Variants in CENPE observed in about 807,000 individuals in gnomAD.
The protein encoded by CENPE is centromere-associated protein E.
A neutral mutation model predicts 336.1 loss-of-function variants in CENPE; 145 were observed. The observed-to-expected ratio is 0.43, with a 90% CI of 0.38 to 0.50. The LOEUF is 0.50. CENPE is among the 20% of genes least tolerant of loss of function. The pLI is 0.00. For missense variants in CENPE, 2,719 were observed against 3,023.3 expected, an observed-to-expected ratio of 0.90 and a Z score of 2.36; for synonymous variants, 1,013 against 984.8, an observed-to-expected ratio of 1.03 and a Z score of -0.54.
At chr4:103,156,680 C>A (rs1753982168) in intron 24 of CENPE, among the ~76,000 whole-genome samples, 1 of 152,030 alleles carries the variant, frequency 6.6e-6, no homozygotes, top group Non-Finnish European at 1.5e-5. Context: ...GCAATGATTT[C>A]TTGGATATGA....
intron 11 of CENPE, chr4:103,181,801 G>T: frequency 5.9e-6 from 1 of 169,422 alleles, no homozygotes; most frequent in Non-Finnish European, 1.3e-5. Flanking sequence ...CTCTATACTA[G>T]TTATTAACCA....
In CENPE at chr4:103,161,051, A is replaced by T. The variant is rs150010956; in HGVS notation, c.2131+35T>A. The T allele has an allele frequency of 1.2e-5, 18 of 1,503,994 alleles. No homozygotes were observed. The East Asian group carries it at 4.1e-4, about 34-fold the overall frequency. The allele number at this position is 1,503,994 out of a possible 1,614,324, so 93.2% of individuals were successfully genotyped here. A position where few individuals can be genotyped will look rare whatever the true frequency, so the allele number is the denominator to read the frequency against. ...TTTAGGTACATTTCTAGAAGAAGTC[A>T]GATTTGAAAAAAGATGTTTAAAATT... On this transcript the variant is annotated intron_variant, in intron 20 of 48. Transcript: ENST00000265148.
In CENPE at chr4:103,147,610, T is replaced by C; in HGVS notation, c.3880A>G (p.Asn1294Asp). The C allele has an allele frequency of 6.2e-7, 1 of 1,613,312 alleles. No individual in the cohort carries two copies. The highest frequency in any genetic ancestry group is 1.1e-5 in the South Asian group (1 of 91,058). The change falls in exon 29 of 49, where the codon AAT (asparagine) becomes GAT (aspartate). Residue 1294 changes from asparagine (N) to aspartate (D), a missense_variant. Physicochemically the swap from Asn to Asp is conservative, Grantham distance 23. Coordinates refer to ENST00000265148, the MANE Select transcript of CENPE (RefSeq NM_001813.3). ...TGAGTCTCACTGACTTCTTTCACAT[T>C]AGGCAGTAACTCTTGTTCCTCATGA... ...VLHEEQELLP[N>D]VKEVSETQET...
In CENPE at chr4:103,194,652, T is replaced by C; in HGVS notation, c.510A>G (p.Glu170=). ...AAGCCATTTCTGATGTATATACAAC[T>C]TCTTCTGTGAGATCAGCAACATACA... ...RNVYVADLTE[E]VVYTSEMALK... Residue 170 remains glutamate (E), a synonymous_variant, in exon 6 of 49, where the codon GAA becomes GAG. Coordinates refer to ENST00000265148, the MANE Select transcript of CENPE (RefSeq NM_001813.3). 1 of 1,609,114 alleles carries C rather than the reference T, an allele frequency of 6.2e-7. No individual in the cohort carries two copies. Among genetic ancestry groups the C allele is most frequent in the Non-Finnish European group, 8.5e-7 (1 of 1,178,126 alleles).
intron 26 of CENPE, among the ~76,000 whole-genome samples, chr4:103,150,939 T>G (rs1753490741): frequency 6.6e-6 from 1 of 152,224 alleles, no homozygotes; most frequent in Non-Finnish European, 1.5e-5. Context: ...GCGTGGCCCA[T>G]GACAGTGCTC....
chr4:103,168,832 A>T (rs1243233180), intron 16 of CENPE, among the ~76,000 whole-genome samples: 2 of 152,208 alleles, frequency 1.3e-5, no homozygotes, highest in Non-Finnish European at 2.9e-5. Flanking sequence ...GTCATACTAT[A>T]GATCTTGAAA....
chr4:103,185,092 G>A (rs1756651533), intron 9 of CENPE, among the ~76,000 whole-genome samples: 2 of 152,016 alleles, frequency 1.3e-5, no homozygotes, highest in African/African-American at 4.8e-5. Flanking sequence ...GTCACTTGAG[G>A]CCAAGAGTTG....
chr4:103,123,180 C>T (rs1466372419), intron 42 of CENPE, 91 bp from the exon 43 acceptor site: 1 of 937,840 alleles, frequency 1.1e-6, no homozygotes, highest in Non-Finnish European at 1.7e-6. Flanking sequence ...TTTCAGTTAC[C>T]CTCAGTCAAA....
chr4:103,195,269 G>A, intron 4 of CENPE, 36 bp from the exon 5 acceptor site: 1 of 1,544,210 alleles, frequency 6.5e-7, no homozygotes, highest in Non-Finnish European at 8.7e-7. Flanking sequence ...ACACCAGGAA[G>A]CATCCAATTG....
At chr4:103,182,180 C>T (rs1291488988) in intron 11 of CENPE, among the ~76,000 whole-genome samples, 1 of 152,046 alleles carries the variant, frequency 6.6e-6, no homozygotes, top group Non-Finnish European at 1.5e-5. Context: ...CAACCTCTGC[C>T]TCCTGGGTTC....
At chr4:103,181,567 T>G (rs1485558699) in intron 11 of CENPE, 111 bp from the exon 12 acceptor site, 2 of 865,920 alleles carry the variant, frequency 2.3e-6, no homozygotes, top group Non-Finnish European at 3.4e-6. Flanking sequence ...ATACTCTTTC[T>G]AGTTGGCTTA....
Position 103,136,259 on chromosome 4 carries a change from G to A in CENPE, c.6404C>T (p.Ser2135Leu). The change falls in exon 40 of 49, where the codon TCA becomes TTA. Residue 2135 changes from serine (S) to leucine (L), a missense_variant. This residue lies in a region of CENPE where 2,437 missense variants were observed against 2,513.3 expected (regional missense o/e 0.97). Coordinates refer to ENST00000265148, the MANE Select transcript of CENPE (RefSeq NM_001813.3). The part of the protein sequence containing the change: ...EKEIEFQKEL[S>L]MRVKANLSLP... ...TGAGAGGTTTGCTTTAACTCTCATT[G>A]AAAGCTCTTTTTGGAATTCAATTTC... The A allele has an allele frequency of 6.2e-7, 1 of 1,613,608 alleles. No individual in the cohort carries two copies. Among genetic ancestry groups the A allele is most frequent in the Admixed American group, 1.7e-5 (1 of 60,012 alleles).
chr4:103,183,029 T>TA (rs1553937249), intron 10 of CENPE, 138 bp from the exon 11 acceptor site: 8 of 894,850 alleles, frequency 8.9e-6, no homozygotes, highest in South Asian at 3.8e-5. Flanking sequence ...AGATTAAAAC[T>TA]ACTAAAAAAT....
chr4:103,196,609 A>G (rs543370283), intron 2 of CENPE, 150 bp downstream of exon 2: 2 of 606,126 alleles, frequency 3.3e-6, no homozygotes, highest in South Asian at 4.3e-5. Flanking sequence ...ACTTAAATAC[A>G]TGATGGATAA....
At position 103,139,890 on chromosome 4, in the gene CENPE, T is replaced by G; in HGVS notation, c.6103A>C (p.Arg2035=). 1.2e-6 allele frequency: 2 copies of G among 1,613,372 alleles called. No individual in the cohort carries two copies. The change falls in exon 38 of 49, where the codon AGA becomes CGA. Residue 2035 remains arginine, a synonymous_variant. Transcript: ENST00000265148. ...KKLHESLEEI[R]IVAKERDELR... ...TCATCTCTTTCTTTAGCTACAATTC[T>G]TATTTCTTCAAGGCTTTCATGAAGT...
chr4:103,112,438 T>C (rs1749545626), intron 46 of CENPE, among the ~76,000 whole-genome samples: 1 of 145,770 alleles, frequency 6.9e-6, no homozygotes, highest in South Asian at 2.1e-4. Context: ...TACTTATACA[T>C]ACATATACTT....
intron 24 of CENPE, among the ~76,000 whole-genome samples, chr4:103,156,487 T>G (rs1753966252): frequency 1.3e-5 from 2 of 152,122 alleles, no homozygotes; most frequent in Admixed American, 1.3e-4. Flanking sequence ...GGGGACAGGA[T>G]GATCTTTTCA....
chr4:103,165,293 A>C (rs970334837), intron 16 of CENPE, among the ~76,000 whole-genome samples: 3 of 152,198 alleles, frequency 2.0e-5, no homozygotes, highest in African/African-American at 7.2e-5. Context: ...AGTAAAAATT[A>C]TAAAATTAAA....
At position 103,120,284 on chromosome 4, in the gene CENPE, A is replaced by G; in HGVS notation, c.7193T>C (p.Met2398Thr). The G allele has an allele frequency of 6.8e-6, 11 of 1,611,274 alleles. No individual in the cohort carries two copies. Among genetic ancestry groups the G allele is most frequent in the Non-Finnish European group, 9.3e-6 (11 of 1,179,338 alleles). The change falls in exon 44 of 49, where the codon ATG (methionine) becomes ACG (threonine). Residue 2398 changes from methionine to threonine, a missense_variant. Physicochemically the swap from Met to Thr is moderately conservative, Grantham distance 81 (BLOSUM62 -1). Around this residue, in one of 5 missense-constraint regions of CENPE, gnomAD observed 2,437 missense variants for 2,513.3 expected, o/e 0.97. Coordinates refer to ENST00000265148, the MANE Select transcript of CENPE (RefSeq NM_001813.3). ...NSLHEAKESA[M>T]HKESKIIKMQ... ...CTTTATAATCTTGCTTTCCTTATGC[A>G]TAGCACTTTCTTTAGCTTCATGCAG...
Sources: allele counts gnomAD v4.1 joint callset (sites outside exome capture counted in the v4.1 genomes callset), GRCh38; gene constraint gnomAD v4.1.1; regional missense constraint gnomAD v4.1.1; transcripts MANE v1.5; gene names NCBI Gene and HGNC (gene_info 2026-07-23, HGNC 2026-07-21).